Variants in DPYD observed in about 807,000 individuals in gnomAD.
DPYD encodes dihydropyrimidine dehydrogenase [NADP(+)].
A neutral mutation model predicts 116.2 loss-of-function variants in DPYD; 109 were observed. That is an observed-to-expected ratio of 0.94 (90% CI 0.80 to 1.10). The LOEUF (loss-of-function observed/expected upper bound fraction) is 1.10, where lower values mean the gene tolerates loss of function less well. Among genes scored for constraint, DPYD ranks in the 50% least tolerant of loss-of-function variants. The pLI, the probability that DPYD is intolerant of heterozygous loss-of-function variation, is 0.00. For missense variants in DPYD, 1,302 were observed against 1,254.5 expected, an observed-to-expected ratio of 1.04 and a Z score of -0.57; for synonymous variants, 440 against 432.0, an observed-to-expected ratio of 1.02 and a Z score of -0.23.
At position 97,095,717 on chromosome 1, in the gene DPYD, A is replaced by G. The variant is rs951511139; in HGVS notation, c.2766+2772T>C. ...ACAGTTTTATATTTATAATACAGTT[A>G]TTTGTTATAACAGATTTAATCTCTA... On this transcript the variant is annotated intron_variant, in intron 21 of 22. Transcript: ENST00000370192. Among the ~76,000 whole-genome samples the G allele has an allele frequency of 7.2e-5, 11 of 152,136 alleles. No homozygotes were observed. In the East Asian group the frequency reaches 1.9e-3, roughly 27 times the overall value.
At chr1:97,849,744 A>G (rs1385076677) in intron 2 of DPYD, among the ~76,000 whole-genome samples, 1 of 152,234 alleles carries the variant, frequency 6.6e-6, no homozygotes, top group Non-Finnish European at 1.5e-5. Flanking sequence ...CACACTTGCC[A>G]TTCATCACAA....
chr1:97,377,093 A>G (rs1671678801), intron 15 of DPYD, among the ~76,000 whole-genome samples: 1 of 151,808 alleles, frequency 6.6e-6, no homozygotes, highest in African/African-American at 2.4e-5. Flanking sequence ...AAATATATTT[A>G]AAAAGTGGAA....
intron 16 of DPYD, among the ~76,000 whole-genome samples, chr1:97,323,418 ATATATACATATGTGTATATGTACACG>A (rs1211408735): frequency 1.2e-4 from 11 of 88,354 alleles, no homozygotes; most frequent in Admixed American, 4.6e-4. Context: ...ATGTACACGT[ATATATACATATGTGTATATGTACACG>A]TATATACATA....
chr1:97,571,621 T>C (rs907308040), intron 11 of DPYD, among the ~76,000 whole-genome samples: 3 of 151,948 alleles, frequency 2.0e-5, no homozygotes, highest in African/African-American at 7.2e-5. Flanking sequence ...ACATATGTGA[T>C]AATCACTAGG....
intron 3 of DPYD, among the ~76,000 whole-genome samples, chr1:97,768,026 T>C (rs1665956326): frequency 6.6e-6 from 1 of 152,130 alleles, no homozygotes; most frequent in African/African-American, 2.4e-5. Flanking sequence ...TTTACTTAAA[T>C]GTTTCCATGA....
At chr1:97,494,782 GCA>G (rs369872624) in intron 13 of DPYD, among the ~76,000 whole-genome samples, 12,671 of 141,272 alleles carry the variant, frequency 0.09, 627 homozygotes, top group South Asian at 0.11. Context: ...ACACACATAC[GCA>G]CACACACACA....
In DPYD at chr1:97,193,091, C is replaced by A; in HGVS notation, c.2600G>T (p.Arg867Leu). The change falls in exon 20 of 23, where the codon CGT becomes CTT. Residue 867 changes from arginine to leucine, a missense_variant. Physicochemically the swap from Arg to Leu is moderately radical, Grantham distance 102. Transcript: ENST00000370192. ...VSHQKGKPVPRIAELMDKKLP... is the reference protein window; with the variant it reads ...VSHQKGKPVPLIAELMDKKLP... ...TACCTTGTCCATGAGTTCAGCTATA[C>A]GTGGAACTGGTTTCCCTTTCTGGTG... 6.2e-7 allele frequency: 1 copy of A among 1,614,022 alleles called. No homozygotes were observed. The highest frequency in any genetic ancestry group is 8.5e-7 in the Non-Finnish European group (1 of 1,179,934).
At position 97,642,888 on chromosome 1, in the gene DPYD, A is replaced by AAAATT. The variant is rs536020709; in HGVS notation, c.850+36202_850+36206dup. On this transcript the variant is annotated intron_variant, in intron 8 of 22. Coordinates refer to ENST00000370192, the MANE Select transcript of DPYD (RefSeq NM_000110.4). The stretch of plus-strand genomic sequence containing the variant: ...CTAAAACTTGAAGTATAATAATAAT[A>AAAATT]AAATTAAATTAAATTAAATTAAATT... Among the ~76,000 whole-genome samples, 223 of 148,906 alleles carry AAAATT rather than the reference A, an allele frequency of 1.5e-3. 1 individual carries two copies. Among genetic ancestry groups the AAAATT allele is most frequent in the Middle Eastern group, 3.4e-3 (1 of 294 alleles).
chr1:97,488,332 T>C (rs750308706), intron 13 of DPYD, among the ~76,000 whole-genome samples: 8 of 152,170 alleles, frequency 5.3e-5, no homozygotes, highest in Non-Finnish European at 1.2e-4. Context: ...TGAGGGTTGC[T>C]TGTGATGATA....
chr1:97,795,487 G>A (rs758165939), intron 3 of DPYD, among the ~76,000 whole-genome samples: 45 of 151,862 alleles, frequency 3.0e-4, no homozygotes, highest in Non-Finnish European at 4.9e-4. Context: ...CATAAAATAC[G>A]TTTTAAAAGC....
chr1:97,742,353 T>C (rs116754407), intron 3 of DPYD, among the ~76,000 whole-genome samples: 1,537 of 152,248 alleles, frequency 0.01, 25 homozygotes, highest in African/African-American at 0.035. Flanking sequence ...ATATCTTGTT[T>C]TTAAATCTGA....
chr1:97,823,632 A>G (rs1161093102), intron 3 of DPYD, among the ~76,000 whole-genome samples: 1 of 150,974 alleles, frequency 6.6e-6, no homozygotes, highest in Non-Finnish European at 1.5e-5. Context: ...TAACATTAAC[A>G]TTTTCTAGGT....
At chr1:97,120,700 A>G (rs1302467597) in intron 20 of DPYD, among the ~76,000 whole-genome samples, 3 of 152,212 alleles carry the variant, frequency 2.0e-5, no homozygotes, top group African/African-American at 4.8e-5. Flanking sequence ...TTTTAGTAGT[A>G]TGGCTGTAAA....
intron 18 of DPYD, among the ~76,000 whole-genome samples, chr1:97,271,500 A>T (rs530070365): frequency 3.3e-5 from 5 of 152,268 alleles, no homozygotes; most frequent in Admixed American, 3.3e-4. Flanking sequence ...GTCCTCTTAG[A>T]AGAGGTAATG....
intron 20 of DPYD, among the ~76,000 whole-genome samples, chr1:97,164,849 C>CCAAAACAA (rs1656198122): frequency 2.6e-5 from 4 of 151,328 alleles, no homozygotes; most frequent in Admixed American, 2.6e-4. Context: ...GACCAAGTGC[C>CCAAAACAA]CAAAACAACG....
chr1:97,228,271 C>A, intron 19 of DPYD, among the ~76,000 whole-genome samples: 1 of 151,566 alleles, frequency 6.6e-6, no homozygotes, highest in African/African-American at 2.4e-5. Flanking sequence ...GCATATAAAG[C>A]AATAAAGAAG....
At chr1:97,267,803 G>T (rs1381132682) in intron 18 of DPYD, among the ~76,000 whole-genome samples, 1 of 151,988 alleles carries the variant, frequency 6.6e-6, no homozygotes, top group African/African-American at 2.4e-5. Flanking sequence ...TTCCACCATG[G>T]TCCCTCAAAA....
intron 14 of DPYD, among the ~76,000 whole-genome samples, chr1:97,441,185 C>A (rs1022914471): frequency 6.6e-6 from 1 of 151,708 alleles, no homozygotes; most frequent in African/African-American, 2.4e-5. Flanking sequence ...GTTTCTTATG[C>A]TTGGAGTTGA....
intron 20 of DPYD, among the ~76,000 whole-genome samples, chr1:97,186,442 C>A (rs1431857686): frequency 6.6e-6 from 1 of 152,162 alleles, no homozygotes; most frequent in East Asian, 1.9e-4. Context: ...CGTTTTGAGA[C>A]TCCAATGACT....
Sources: gnomAD v4.1 joint callset for allele counts (sites outside exome capture counted in the v4.1 genomes callset) on GRCh38, gnomAD v4.1.1 for gene constraint, MANE v1.5 for transcripts, NCBI Gene and HGNC (gene_info 2026-07-23, HGNC 2026-07-21) for gene names.